The following ASIC2 variants were observed in gnomAD, a reference collection of about 807,000 sequenced individuals.
ASIC2 encodes acid sensing ion channel subunit 2.
Under a neutral mutation model 57.3 loss-of-function variants are expected in ASIC2, and 25 were observed. The observed-to-expected ratio is 0.44, with a 90% confidence interval of 0.32 to 0.61. The LOEUF is 0.61. Ranked by LOEUF, ASIC2 falls within the 20% of genes least tolerant of loss-of-function variation. ASIC2 has a pLI of 0.06. For missense variants in ASIC2, 641 were observed against 738.1 expected (o/e 0.87, Z 1.52); for synonymous variants, 319 against 307.5 (o/e 1.04, Z -0.39).
intron 1 of ASIC2, among the ~76,000 whole-genome samples, chr17:33,588,116 G>C (rs56058267): frequency 0.12 from 18,633 of 152,226 alleles, 1,621 homozygotes; most frequent in East Asian, 0.3. Flanking sequence ...ATGCATTGTT[G>C]TTCAGAATGT....
intron 1 of ASIC2, among the ~76,000 whole-genome samples, chr17:33,325,045 G>A (rs544535452): frequency 1.8e-4 from 27 of 152,290 alleles, no homozygotes; most frequent in African/African-American, 6.0e-4. Context: ...GATGCTTTCC[G>A]CCTGACATGC....
At chr17:34,064,087 G>A (rs1215358130) in intron 1 of ASIC2, among the ~76,000 whole-genome samples, 2 of 152,072 alleles carry the variant, frequency 1.3e-5, no homozygotes, top group African/African-American at 4.8e-5. Flanking sequence ...TAAGCAAAAA[G>A]ATCAAATCTG....
At chr17:34,037,780 T>A in intron 1 of ASIC2, 2 of 1,614,218 alleles carry the variant, frequency 1.2e-6, no homozygotes, top group South Asian at 2.2e-5. Flanking sequence ...AGGCCAAGCA[T>A]CGTCGAATCA....
chr17:33,533,277 C>G (rs1915113615), intron 1 of ASIC2, among the ~76,000 whole-genome samples: 1 of 151,630 alleles, frequency 6.6e-6, no homozygotes, highest in African/African-American at 2.4e-5. Flanking sequence ...ACTCAGGAGG[C>G]AGAGGTGGCA....
chr17:33,513,063 G>A (rs1359810483), intron 1 of ASIC2, among the ~76,000 whole-genome samples: 3 of 152,212 alleles, frequency 2.0e-5, no homozygotes, highest in Non-Finnish European at 2.9e-5. Context: ...ACAAAGTAAC[G>A]GAATTTTCAA....
At chr17:33,228,823 G>A (rs187355990) in intron 1 of ASIC2, among the ~76,000 whole-genome samples, 19 of 152,272 alleles carry the variant, frequency 1.2e-4, no homozygotes, top group Admixed American at 2.0e-4. Context: ...ACCCAGGCTC[G>A]TGCCTCCATC....
At chr17:33,587,226 A>G (rs928777799) in intron 1 of ASIC2, among the ~76,000 whole-genome samples, 2 of 152,210 alleles carry the variant, frequency 1.3e-5, no homozygotes, top group Non-Finnish European at 2.9e-5. Context: ...AATATTTACT[A>G]TCTGATCCTT....
intron 1 of ASIC2, among the ~76,000 whole-genome samples, chr17:33,485,906 G>A (rs1253244307): frequency 6.6e-6 from 1 of 152,226 alleles, no homozygotes; most frequent in Non-Finnish European, 1.5e-5. Context: ...AGCCTTCCCA[G>A]TTCATGCTCA....
At chr17:33,805,116 T>C (rs1912233623) in intron 1 of ASIC2, among the ~76,000 whole-genome samples, 1 of 152,210 alleles carries the variant, frequency 6.6e-6, no homozygotes, top group Non-Finnish European at 1.5e-5. Context: ...TTCTTTCTGA[T>C]CCCTCTTGCT....
chr17:33,325,580 C>T (rs150768306), intron 1 of ASIC2, among the ~76,000 whole-genome samples: 17 of 152,078 alleles, frequency 1.1e-4, no homozygotes, highest in Non-Finnish European at 2.1e-4. Flanking sequence ...CTTGGGGGTG[C>T]GAAGACTTAG....
intron 1 of ASIC2, among the ~76,000 whole-genome samples, chr17:33,519,361 A>G (rs898056660): frequency 6.6e-6 from 1 of 152,052 alleles, no homozygotes; most frequent in Non-Finnish European, 1.5e-5. Flanking sequence ...CTCTCTTTCC[A>G]CTGAGCACCC....
intron 1 of ASIC2, among the ~76,000 whole-genome samples, chr17:34,131,112 A>G (rs1394682053): frequency 6.6e-6 from 1 of 152,184 alleles, no homozygotes; most frequent in Non-Finnish European, 1.5e-5. Flanking sequence ...TGGGGAAAGA[A>G]AGCCTTCGGG....
intron 3 of ASIC2, among the ~76,000 whole-genome samples, chr17:33,078,493 C>A (rs1029544190): frequency 6.6e-6 from 1 of 152,232 alleles, no homozygotes; most frequent in Non-Finnish European, 1.5e-5. Flanking sequence ...GATCATTGCA[C>A]AATATTCGAT....
chr17:33,809,010 T>G (rs183935356), intron 1 of ASIC2, among the ~76,000 whole-genome samples: 1 of 152,274 alleles, frequency 6.6e-6, no homozygotes, highest in Non-Finnish European at 1.5e-5. Flanking sequence ...TCAGTCATCC[T>G]CTTCCACTCT....
intron 7 of ASIC2, among the ~76,000 whole-genome samples, chr17:33,020,477 T>A (rs116565351): frequency 2.2e-3 from 328 of 152,224 alleles, no homozygotes; most frequent in African/African-American, 7.7e-3. Context: ...AGGCATCAGA[T>A]CCTTTCTTGA....
At chr17:33,516,705 A>T (rs1460209799) in intron 1 of ASIC2, among the ~76,000 whole-genome samples, 2 of 152,024 alleles carry the variant, frequency 1.3e-5, no homozygotes, top group African/African-American at 4.8e-5. Context: ...ATTTGGCTTT[A>T]TCTATTTTGT....
At chr17:34,074,301 T>C (rs60401813) in intron 1 of ASIC2, among the ~76,000 whole-genome samples, 16,635 of 152,206 alleles carry the variant, frequency 0.11, 1,141 homozygotes, top group Non-Finnish European at 0.15. Context: ...CTAATGAACA[T>C]TGCATGCAAT....
chr17:33,557,749 C>T (rs1915951381), intron 1 of ASIC2, among the ~76,000 whole-genome samples: 2 of 152,100 alleles, frequency 1.3e-5, no homozygotes, highest in African/African-American at 4.8e-5. Context: ...TTACACATCC[C>T]ACTCTATTAT....
intron 1 of ASIC2, among the ~76,000 whole-genome samples, chr17:33,764,393 G>GT (rs1320130501): frequency 6.6e-6 from 1 of 151,762 alleles, no homozygotes; most frequent in Non-Finnish European, 1.5e-5. Context: ...CTGAGCCTTA[G>GT]TGGGTGTGTT....
Sources: allele counts gnomAD v4.1 joint callset (sites outside exome capture counted in the v4.1 genomes callset), GRCh38; gene constraint gnomAD v4.1.1; transcripts MANE v1.5; gene names NCBI Gene and HGNC (gene_info 2026-07-23, HGNC 2026-07-21).